STAM: variants seen among roughly 807,000 people sequenced by gnomAD.
STAM encodes the protein signal transducing adaptor molecule.
Under a neutral mutation model 63.4 loss-of-function variants are expected in STAM, and 16 were observed. The observed-to-expected ratio is 0.25, with a 90% confidence interval of 0.17 to 0.38. The LOEUF is 0.38. Among genes scored for constraint, STAM ranks in the 10% least tolerant of loss-of-function variants. The probability of loss-of-function intolerance (pLI) is 1.00; values close to 1 mark genes in which losing one functional copy is unlikely to be tolerated. For synonymous variants in STAM, 238 were observed against 223.9 expected (o/e 1.06, Z -0.56); for missense variants, 636 against 657.1 (o/e 0.97, Z 0.35).
chr10:17,702,533 T>G (rs1298931883), intron 9 of STAM, among the ~76,000 whole-genome samples: 1 of 152,210 alleles, frequency 6.6e-6, no homozygotes. Context: ...CTTTGTAACA[T>G]TTTAAATGTA....
Position 17,693,260 on chromosome 10 carries a change from C to T in STAM, c.483C>T (p.Ala161=). The T allele has an allele frequency of 1.2e-6, 2 of 1,613,472 alleles. No individual in the cohort carries two copies. The highest frequency in any genetic ancestry group is 1.7e-6 in the Non-Finnish European group (2 of 1,179,830). Reference sequence around the variant, plus strand: ...CAAAAGCAAGCCCAGCTCTTGTAGCCAAGGATCCTGGTACTGTGGCTAACA... The same window carrying T: ...CAAAAGCAAGCCCAGCTCTTGTAGCTAAGGATCCTGGTACTGTGGCTAACA... ...EQAKASPALV[A]KDPGTVANKK... Residue 161 remains alanine (A), a synonymous_variant, in exon 6 of 14, where the codon GCC becomes GCT. Transcript: ENST00000377524.
chr10:17,659,612 G>A (rs1554822609), intron 1 of STAM, among the ~76,000 whole-genome samples: 2 of 151,546 alleles, frequency 1.3e-5, no homozygotes, highest in African/African-American at 2.4e-5. Context: ...GGGAATACAG[G>A]TGCATGCCAC....
chr10:17,677,170 G>A (rs1391514292), intron 2 of STAM, among the ~76,000 whole-genome samples: 1 of 152,050 alleles, frequency 6.6e-6, no homozygotes, highest in Non-Finnish European at 1.5e-5. Context: ...AGATATCTTT[G>A]CTTTGGTTTT....
intron 13 of STAM, among the ~76,000 whole-genome samples, chr10:17,713,461 A>G (rs1273617550): frequency 1.3e-5 from 2 of 152,132 alleles, no homozygotes; most frequent in African/African-American, 4.8e-5. Flanking sequence ...TTTTTTGGAC[A>G]TCAAACTTGA....
chr10:17,652,427 A>T (rs767126649), intron 1 of STAM, among the ~76,000 whole-genome samples: 2 of 152,182 alleles, frequency 1.3e-5, no homozygotes, highest in Non-Finnish European at 2.9e-5. Flanking sequence ...GGAAAGTAAT[A>T]AAGTAGTTCA....
intron 2 of STAM, among the ~76,000 whole-genome samples, chr10:17,676,418 T>C (rs1344061108): frequency 1.3e-5 from 2 of 152,204 alleles, no homozygotes; most frequent in Admixed American, 6.5e-5. Flanking sequence ...TTTGATGCTT[T>C]CAGTTCATCA....
intron 2 of STAM, among the ~76,000 whole-genome samples, chr10:17,680,530 C>T (rs569421876): frequency 3.8e-4 from 58 of 151,864 alleles, no homozygotes; most frequent in Admixed American, 2.1e-3. Context: ...CTCAGCCTCT[C>T]GAATAGCTGG....
At chr10:17,674,942 T>A (rs1255566802) in intron 2 of STAM, among the ~76,000 whole-genome samples, 9 of 152,154 alleles carry the variant, frequency 5.9e-5, no homozygotes, top group Non-Finnish European at 8.8e-5. Flanking sequence ...TCCTTAAGAA[T>A]GGAATGACAA....
intron 2 of STAM, chr10:17,672,947 C>G: frequency 1.3e-6 from 1 of 790,468 alleles, no homozygotes; most frequent in South Asian, 5.8e-5. Context: ...TGCCCCTGAC[C>G]CCTATCTTTT....
At chr10:17,688,577 C>G (rs948554041) in intron 5 of STAM, among the ~76,000 whole-genome samples, 1 of 151,952 alleles carries the variant, frequency 6.6e-6, no homozygotes, top group Non-Finnish European at 1.5e-5. Context: ...ATTCTCCTGC[C>G]GCAGCCTCCT....
chr10:17,712,277 C>T (rs566046418), intron 13 of STAM, among the ~76,000 whole-genome samples: 1 of 152,320 alleles, frequency 6.6e-6, no homozygotes, highest in African/African-American at 2.4e-5. Flanking sequence ...GGAAGTCCCA[C>T]TTAGCTAAGA....
intron 1 of STAM, among the ~76,000 whole-genome samples, chr10:17,654,263 C>T (rs1461956601): frequency 1.3e-5 from 2 of 151,994 alleles, no homozygotes; most frequent in African/African-American, 4.8e-5. Flanking sequence ...TGCTCTGTCA[C>T]CCAGGCTGGA....
chr10:17,691,864 T>C (rs902600166), intron 5 of STAM, among the ~76,000 whole-genome samples: 1 of 152,242 alleles, frequency 6.6e-6, no homozygotes, highest in Admixed American at 6.5e-5. Context: ...TTCATAACTT[T>C]TCATGATCTA....
At chr10:17,707,046 C>T (rs1554829355) in intron 12 of STAM, among the ~76,000 whole-genome samples, 1 of 150,948 alleles carries the variant, frequency 6.6e-6, no homozygotes, top group African/African-American at 2.4e-5. Context: ...TTCTTTTCAC[C>T]CCAAGCAACT....
At chr10:17,714,237 G>A (rs1232956421) in intron 13 of STAM, among the ~76,000 whole-genome samples, 1 of 152,002 alleles carries the variant, frequency 6.6e-6, no homozygotes, top group Admixed American at 6.6e-5. Context: ...CTTGACACAC[G>A]ATACATGTGT....
In STAM at chr10:17,660,454, CA is replaced by C; in HGVS notation, c.41-8del. The C allele has an allele frequency of 1.3e-6, 2 of 1,562,250 alleles. No individual in the cohort carries two copies. Among genetic ancestry groups the C allele is most frequent in the Non-Finnish European group, 1.7e-6 (2 of 1,154,766 alleles). On this transcript the variant is annotated splice_polypyrimidine_tract_variant and intron_variant, in intron 1 of 13. Coordinates refer to ENST00000377524, the MANE Select transcript of STAM (RefSeq NM_003473.4). ...AATAATGTTTCTGCAATCCCCTTTA[CA>C]ATCTACAGAGAAAGCAACCAGCGAG...
chr10:17,685,684 A>C (rs1835266375), intron 4 of STAM, among the ~76,000 whole-genome samples: 1 of 152,196 alleles, frequency 6.6e-6, no homozygotes, highest in African/African-American at 2.4e-5. Flanking sequence ...TCAAGGCCCC[A>C]GTTTGGGTCC....
At chr10:17,649,917 T>G (rs1833671351) in intron 1 of STAM, among the ~76,000 whole-genome samples, 1 of 152,090 alleles carries the variant, frequency 6.6e-6, no homozygotes, top group South Asian at 2.1e-4. Context: ...CCCAGCCAAT[T>G]TGGTAATATT....
chr10:17,664,341 T>C (rs7077009), intron 2 of STAM, among the ~76,000 whole-genome samples: 16,440 of 152,204 alleles, frequency 0.11, 975 homozygotes, highest in Middle Eastern at 0.16. Context: ...GGATTAAGTA[T>C]ACTCACATGC....
Sources: allele counts gnomAD v4.1 joint callset (sites outside exome capture counted in the v4.1 genomes callset), GRCh38; gene constraint gnomAD v4.1.1; transcripts MANE v1.5; gene names NCBI Gene and HGNC (gene_info 2026-07-23, HGNC 2026-07-21).